Variants in CYRIB observed in about 807,000 individuals in gnomAD.
CYRIB encodes the protein CYFIP related Rac1 interactor B.
In CYRIB, 8 loss-of-function variants were observed where a neutral mutation model predicts 44.2. The ratio of observed to expected loss-of-function variants is 0.18; its 90% confidence interval spans 0.11 to 0.33. The LOEUF (loss-of-function observed/expected upper bound fraction) is 0.33. Ranked by LOEUF, CYRIB falls within the 10% of genes least tolerant of loss-of-function variation. CYRIB has a pLI of 1.00. For missense variants in CYRIB, 185 were observed against 382.8 expected (o/e 0.48, Z 4.31); for synonymous variants, 131 against 127.2 (o/e 1.03, Z -0.20).
At chr8:129,927,925 C>T (rs924058159) in intron 1 of CYRIB, among the ~76,000 whole-genome samples, 1 of 151,992 alleles carries the variant, frequency 6.6e-6, no homozygotes. Flanking sequence ...AAAAATGGTT[C>T]GGAGACTACC....
At position 129,850,826 on chromosome 8, in the gene CYRIB, G is replaced by A; in HGVS notation, c.713+9C>T. 6.2e-7 allele frequency: 1 copy of A among 1,601,206 alleles called. No individual in the cohort carries two copies. Among genetic ancestry groups the A allele is most frequent in the Non-Finnish European group, 8.6e-7 (1 of 1,169,246 alleles). ...ACTGTTAAAGTGAAAAAGATCAGCT[G>A]ATACTCACGGTGTTTCCAGCATGAC... On this transcript the variant is annotated intron_variant, in intron 9 of 11. Coordinates refer to ENST00000519824, the Ensembl canonical transcript of CYRIB.
At chr8:129,849,401 G>A in intron 9 of CYRIB, 32 bp from the exon 12 acceptor site, 1 of 1,569,938 alleles carries the variant, frequency 6.4e-7, no homozygotes, top group Non-Finnish European at 8.6e-7. Flanking sequence ...CATGGAAGAA[G>A]TGCATTACAA....
At chr8:129,849,515 C>A in intron 9 of CYRIB, 146 bp from the exon 12 acceptor site, 1 of 663,042 alleles carries the variant, frequency 1.5e-6, no homozygotes, top group Non-Finnish European at 2.4e-6. Flanking sequence ...AGTAGCCACA[C>A]TGATACATTC....
intron 1 of CYRIB, among the ~76,000 whole-genome samples, chr8:129,927,153 A>T (rs763597012): frequency 9.2e-5 from 14 of 152,066 alleles, no homozygotes; most frequent in Admixed American, 1.3e-4. Flanking sequence ...ATAGCCAAGT[A>T]TGGTGGTGCG....
At chr8:129,864,820 G>A in intron 4 of CYRIB, 1 of 444,366 alleles carries the variant, frequency 2.3e-6, no homozygotes, top group Admixed American at 2.4e-5. Context: ...CTGGGTTGGT[G>A]AAGATTCCAC....
chr8:129,931,828 T>C (rs993943856), intron 1 of CYRIB, among the ~76,000 whole-genome samples: 1 of 151,952 alleles, frequency 6.6e-6, no homozygotes, highest in Non-Finnish European at 1.5e-5. Context: ...GGTTTCACCA[T>C]GTCAACCAGG....
At chr8:129,863,301 C>A (rs1360953715) in intron 4 of CYRIB, among the ~76,000 whole-genome samples, 3 of 151,992 alleles carry the variant, frequency 2.0e-5, no homozygotes, top group Non-Finnish European at 2.9e-5. Flanking sequence ...CTGAGGCAGG[C>A]GGATCACAAG....
At chr8:129,907,335 C>T (rs190161317) in intron 1 of CYRIB, among the ~76,000 whole-genome samples, 1 of 150,320 alleles carries the variant, frequency 6.7e-6, no homozygotes, top group Admixed American at 6.6e-5. Flanking sequence ...TTCTCAGCAA[C>T]CTATCGCAGA....
At chr8:129,881,649 T>C (rs2060847215) in intron 2 of CYRIB, among the ~76,000 whole-genome samples, 1 of 152,224 alleles carries the variant, frequency 6.6e-6, no homozygotes, top group Admixed American at 6.5e-5. Context: ...TATTCATATA[T>C]GGTAAGTACT....
intron 2 of CYRIB, chr8:129,894,409 C>T (rs1163187562): frequency 6.6e-6 from 1 of 152,140 alleles, no homozygotes; most frequent in African/African-American, 2.4e-5. Flanking sequence ...TGTTTATGGG[C>T]CATCTGTGAA....
intron 1 of CYRIB, among the ~76,000 whole-genome samples, chr8:129,903,878 ACAAAG>A (rs775622922): frequency 1.3e-5 from 2 of 152,204 alleles, no homozygotes; most frequent in Non-Finnish European, 2.9e-5. Flanking sequence ...CAAGTGAACC[ACAAAG>A]CCCTCTCTAG....
At chr8:129,900,209 TGTG>T (rs1435174412) in intron 2 of CYRIB, among the ~76,000 whole-genome samples, 1 of 151,320 alleles carries the variant, frequency 6.6e-6, no homozygotes, top group African/African-American at 2.4e-5. Context: ...AAAAAAAAAA[TGTG>T]GGGCTTAATC....
intron 1 of CYRIB, among the ~76,000 whole-genome samples, chr8:130,001,157 G>C (rs1291592549): frequency 6.6e-6 from 1 of 152,154 alleles, no homozygotes; most frequent in East Asian, 1.9e-4. Context: ...AGCCGCTGGG[G>C]TGCCTTCGTC....
At chr8:129,986,139 C>G (rs1413010857) in intron 1 of CYRIB, among the ~76,000 whole-genome samples, 1 of 152,194 alleles carries the variant, frequency 6.6e-6, no homozygotes, top group East Asian at 1.9e-4. Context: ...GGCCATCACC[C>G]CTGAGCACTG....
At chr8:129,912,701 C>T (rs1000879722) in intron 1 of CYRIB, among the ~76,000 whole-genome samples, 2 of 151,748 alleles carry the variant, frequency 1.3e-5, no homozygotes, top group African/African-American at 4.8e-5. Flanking sequence ...ATTAGGATGC[C>T]CAGGCTGGGG....
At chr8:129,993,448 G>A (rs1278867783) in intron 1 of CYRIB, among the ~76,000 whole-genome samples, 1 of 151,894 alleles carries the variant, frequency 6.6e-6, no homozygotes, top group Non-Finnish European at 1.5e-5. Flanking sequence ...TGTAATCCCA[G>A]CACTTTGGGA....
At position 129,865,654 on chromosome 8, in the gene CYRIB, T is replaced by C. The variant is rs144576883; in HGVS notation, c.196-3320A>G. 4.8e-3 allele frequency among the ~76,000 whole-genome samples: 726 copies of C among 152,286 alleles called. 5 individuals are homozygous for C. The highest frequency in any genetic ancestry group is 0.017 in the African/African-American group (691 of 41,560). On this transcript the variant is annotated intron_variant, in intron 4 of 11. Coordinates refer to ENST00000519824, the Ensembl canonical transcript of CYRIB. ...CTGGGTTAACCTAAACAAAACTGCC[T>C]CAGTCTCCACAGTAGCATTTTAAGT... is the stretch of plus-strand genomic sequence containing the variant.
At chr8:129,850,858 T>A in exon 9 of CYRIB, 1 of 1,613,216 alleles carries the variant, frequency 6.2e-7, no homozygotes, top group African/African-American at 1.3e-5. Flanking sequence ...TGACTCTGCA[T>A]ACACTAGCCA....
At chr8:129,972,611 T>C (rs1357011831) in intron 1 of CYRIB, among the ~76,000 whole-genome samples, 1 of 151,974 alleles carries the variant, frequency 6.6e-6, no homozygotes, top group African/African-American at 2.4e-5. Context: ...GCATACTGCA[T>C]ACTCACAAAC....
Sources: gnomAD v4.1 joint callset for allele counts (sites outside exome capture counted in the v4.1 genomes callset) on GRCh38, gnomAD v4.1.1 for gene constraint, MANE v1.5 for transcripts, NCBI Gene and HGNC (gene_info 2026-07-23, HGNC 2026-07-21) for gene names.